The following PHYH variants were observed in gnomAD, a reference collection of about 807,000 sequenced individuals.
PHYH encodes phytanoyl-CoA 2-hydroxylase.
Under a neutral mutation model 38.5 loss-of-function variants are expected in PHYH, and 32 were observed. The observed-to-expected ratio is 0.83, with a 90% CI of 0.63 to 1.12. The LOEUF is 1.12. Among genes scored for constraint, PHYH ranks in the 50% most tolerant of loss-of-function variants. The probability of loss-of-function intolerance (pLI) is 0.00; values close to 1 mark genes in which losing one functional copy is unlikely to be tolerated. For synonymous variants in PHYH, 166 were observed against 157.9 expected, an observed-to-expected ratio of 1.05 and a Z score of -0.38; for missense variants, 426 against 434.8, an observed-to-expected ratio of 0.98 and a Z score of 0.18.
chr10:13,283,763 T>C lies in PHYH; in HGVS notation c.755A>G (p.Lys252Arg), dbSNP rs773067426. 5 of 1,613,942 alleles carry C rather than the reference T, an allele frequency of 3.1e-6. No individual in the cohort carries two copies. Among genetic ancestry groups the C allele is most frequent in the African/African-American group, 1.3e-5 (1 of 74,902 alleles). The change falls in exon 7 of 9, where the codon AAG becomes AGG. Residue 252 changes from lysine (K) to arginine (R), a missense_variant. Coordinates refer to ENST00000263038, the MANE Select transcript of PHYH (RefSeq NM_006214.4). ...AGGATGGAAGAAAACAGTGTCGCCC[T>C]TCTCCATCACCAGGTGCACCCGGGC... The part of the protein sequence containing the change: ...NKARVHLVME[K>R]GDTVFFHPLL...
At chr10:13,282,857 A>G (rs1229779637) in intron 7 of PHYH, among the ~76,000 whole-genome samples, 2 of 152,050 alleles carry the variant, frequency 1.3e-5, no homozygotes, top group African/African-American at 4.8e-5. Flanking sequence ...GCATCCCCTT[A>G]CATTTTACCC....
At chr10:13,285,090 T>A (rs1378527914) in intron 6 of PHYH, among the ~76,000 whole-genome samples, 1 of 152,234 alleles carries the variant, frequency 6.6e-6, no homozygotes, top group Non-Finnish European at 1.5e-5. Flanking sequence ...CTGATGAGTT[T>A]CACATTAAAT....
At chr10:13,278,432 A>G in intron 8 of PHYH, 78 bp from the exon 9 acceptor site, 1 of 961,812 alleles carries the variant, frequency 1.0e-6, no homozygotes, top group Non-Finnish European at 1.7e-6. Context: ...TCACCATAAC[A>G]CAAAATTGAT....
In PHYH at chr10:13,295,702, G is replaced by T. The variant is rs148656318; in HGVS notation, c.135-96C>A. On this transcript the variant is annotated intron_variant, in intron 2 of 8. Coordinates refer to ENST00000263038, the MANE Select transcript of PHYH (RefSeq NM_006214.4). Reference sequence around the variant, plus strand: ...TCTAATACTAGCACTTTAGCGGGCCGAGGCAAGTGGATCACTTGAGGTCAG... The same window carrying T: ...TCTAATACTAGCACTTTAGCGGGCCTAGGCAAGTGGATCACTTGAGGTCAG... 472 of 700,644 alleles carry T rather than the reference G, an allele frequency of 6.7e-4. 2 individuals are homozygous for T. In the East Asian group the frequency reaches 8.4e-3, roughly 12 times the overall value. 43.4% of individuals were successfully genotyped at this position (700,644 alleles called of 1,614,324 possible).
chr10:13,294,674 T>G lies in PHYH; in HGVS notation c.246-78A>C, dbSNP rs74120553. On this transcript the variant is annotated intron_variant, in intron 3 of 8. Coordinates refer to ENST00000263038, the MANE Select transcript of PHYH (RefSeq NM_006214.4). ...CCCTGCCCTCCTCTGTGGAAAGGGT[T>G]GCAGACTTGAGGGGTGGTTTCTCTG... The G allele has an allele frequency of 2.1e-4, 271 of 1,304,422 alleles. 1 individual carries two copies. The African/African-American group carries it at 3.0e-3, about 14-fold the overall frequency. The allele number at this position is 1,304,422 out of a possible 1,614,324, so 80.8% of individuals were successfully genotyped here.
rs1422632427 is a variant in PHYH, at chr10:13,278,178, T to C, written c.*123A>G. 1 of 731,734 alleles carries C rather than the reference T, an allele frequency of 1.4e-6. No homozygotes were observed. Among genetic ancestry groups the C allele is most frequent in the South Asian group, 1.5e-5 (1 of 68,312 alleles). The allele number at this position is 731,734 out of a possible 1,614,324, so 45.3% of individuals were successfully genotyped here. ...TAACTCTATGCAATTAAGTACCTGATACATGTTTTCTGCTTTTAACAAGTG... is the reference window on the plus strand; with the variant it reads ...TAACTCTATGCAATTAAGTACCTGACACATGTTTTCTGCTTTTAACAAGTG... On this transcript the variant is annotated 3_prime_UTR_variant, in exon 9 of 9. Transcript: ENST00000263038.
rs2131665152 is a variant in PHYH, at chr10:13,300,013, CAGACGG to C, written c.24_29del (p.Arg9_Leu10del). 1.3e-6 allele frequency: 2 copies of C among 1,532,888 alleles called. No homozygotes were observed. Among genetic ancestry groups the C allele is most frequent in the South Asian group, 2.4e-5 (2 of 83,244 alleles). The allele number at this position is 1,532,888 out of a possible 1,614,324, so 95.0% of individuals were successfully genotyped here. A position where few individuals can be genotyped will look rare whatever the true frequency, so the allele number is the denominator to read the frequency against. ...GGCCGAGGTGGCCCAGAACAATCTG[CAGACGG>C]GCGGCGGCGCGAAGCTGCTCCATGG... On this transcript the variant is annotated inframe_deletion, in exon 1 of 9. Coordinates refer to ENST00000263038, the MANE Select transcript of PHYH (RefSeq NM_006214.4).
chr10:13,290,638 C>T (rs917242214), intron 5 of PHYH, among the ~76,000 whole-genome samples: 3 of 152,068 alleles, frequency 2.0e-5, no homozygotes, highest in Non-Finnish European at 4.4e-5. Context: ...TGGGCTCCAG[C>T]GATCCTCCCC....
At chr10:13,278,986 C>A (rs1835353840) in intron 8 of PHYH, among the ~76,000 whole-genome samples, 1 of 151,974 alleles carries the variant, frequency 6.6e-6, no homozygotes, top group Non-Finnish European at 1.5e-5. Flanking sequence ...AAACAGTTCA[C>A]TGCCATTTTT....
Position 13,288,414 on chromosome 10 carries a change from C to A in PHYH, c.624G>T (p.Val208=). 6.2e-7 allele frequency: 1 copy of A among 1,614,162 alleles called. No homozygotes were observed. ...HISRNNGCLV[V]LPGTHKGSLK... ...GGGAGCCCTTGTGTGTGCCTGGGAG[C>A]ACAACCAGACAGCCGTTGTTCCGGC... is the stretch of plus-strand genomic sequence containing the variant. Residue 208 remains valine, a synonymous_variant, in exon 6 of 9, where the codon GTG becomes GTT. Coordinates refer to ENST00000263038, the MANE Select transcript of PHYH (RefSeq NM_006214.4).
At position 13,294,287 on chromosome 10, in the gene PHYH, A is replaced by C. The variant is rs2476983; in HGVS notation, c.414+141T>G. 554,755 of 737,520 alleles carry C rather than the reference A, an allele frequency of 0.75. 210,417 individuals carry two copies. The highest frequency in any genetic ancestry group is 0.86 in the East Asian group (33,154 of 38,348). 45.7% of individuals were successfully genotyped at this position (737,520 alleles called of 1,614,324 possible). ...AGCTCTAAGAGCAGTGGTTCCTGGG[A>C]TCAAGCGATCCACCTGCCTCAGCCT... On this transcript the variant is annotated intron_variant, in intron 4 of 8. Transcript: ENST00000263038.
At position 13,283,839 on chromosome 10, in the gene PHYH, C is replaced by G. The variant is rs201936962; in HGVS notation, c.679G>C (p.Gly227Arg). ...CCGTGGAACATTTTGTTAACTCCCC[C>G]CTAGAACAAGAGGCAAGTGAAGTCT... ...LKPHDYPKWE[G>R]GVNKMFHGIQ... is the part of the protein sequence containing the mutation. The change falls in exon 7 of 9, where the codon GGG (glycine) becomes CGG (arginine). Residue 227 changes from glycine to arginine, a missense_variant and splice_region_variant. Physicochemically the swap from Gly to Arg is moderately radical, Grantham distance 125. Coordinates refer to ENST00000263038, the MANE Select transcript of PHYH (RefSeq NM_006214.4). 4.2e-5 allele frequency: 67 copies of G among 1,613,484 alleles called. No homozygotes were observed. The highest frequency in any genetic ancestry group is 3.5e-4 in the African/African-American group (26 of 74,880).
chr10:13,298,767 A>ACTACTACTACTACTACTACTG (rs1554785644), intron 1 of PHYH, among the ~76,000 whole-genome samples: 12 of 113,540 alleles, frequency 1.1e-4, no homozygotes, highest in East Asian at 3.2e-4. Flanking sequence ...TACTACTGCT[A>ACTACTACTACTACTACTACTG]CTACTACTAC....
chr10:13,295,762 C>A (rs1462008876), intron 2 of PHYH, among the ~76,000 whole-genome samples, 156 bp from the exon 3 acceptor site: 3 of 151,704 alleles, frequency 2.0e-5, no homozygotes, highest in Non-Finnish European at 2.9e-5. Context: ...ATGATGAAAC[C>A]CTGTCTCTAC....
intron 5 of PHYH, among the ~76,000 whole-genome samples, chr10:13,291,036 G>A (rs1835696369): frequency 6.6e-6 from 1 of 150,598 alleles, no homozygotes; most frequent in Non-Finnish European, 1.5e-5. Context: ...CCTGGGAGGT[G>A]GGGGTTGCAG....
chr10:13,288,479 C>CGCTGGGCCTGAAGGGGAAATAGT lies in PHYH; in HGVS notation c.536_558dup (p.Asp187ThrfsTer39). 1 of 1,614,176 alleles carries CGCTGGGCCTGAAGGGGAAATAGT rather than the reference C, an allele frequency of 6.2e-7. No homozygotes were observed. The highest frequency in any genetic ancestry group is 8.5e-7 in the Non-Finnish European group (1 of 1,180,016). On this transcript the variant is annotated frameshift_variant, in exon 6 of 9. Transcript: ENST00000263038. LOFTEE classifies it high-confidence loss of function. ...GCCGTCCAGGCGCAAACGATGAGAT[C>CGCTGGGCCTGAAGGGGAAATAGT]GCTGGGCCTGAAGGGGAAATAGTGC...
At chr10:13,289,491 G>A (rs1314361484) in intron 5 of PHYH, among the ~76,000 whole-genome samples, 1 of 151,578 alleles carries the variant, frequency 6.6e-6, no homozygotes, top group African/African-American at 2.4e-5. Context: ...CACCACGCCC[G>A]GCCTTGTGCT....
At chr10:13,282,337 T>C (rs983509235) in intron 7 of PHYH, among the ~76,000 whole-genome samples, 2 of 152,150 alleles carry the variant, frequency 1.3e-5, no homozygotes, top group Admixed American at 6.5e-5. Context: ...ACATCTGTCA[T>C]CCTAGCATTT....
chr10:13,294,011 G>C (rs999979458), intron 4 of PHYH, among the ~76,000 whole-genome samples: 1 of 151,876 alleles, frequency 6.6e-6, no homozygotes, highest in African/African-American at 2.4e-5. Context: ...AGACCAGCCT[G>C]AGCAATATGG....
Sources: gnomAD v4.1 joint callset for allele counts (sites outside exome capture counted in the v4.1 genomes callset) on GRCh38, gnomAD v4.1.1 for gene constraint, MANE v1.5 for transcripts, NCBI Gene and HGNC (gene_info 2026-07-23, HGNC 2026-07-21) for gene names.